SMARCA4: variants seen among roughly 807,000 people sequenced by gnomAD.
SMARCA4 encodes the protein SWI/SNF-related matrix-associated actin-dependent regulator of chromatin subfamily A member 4.
SMARCA4 carries 31 observed loss-of-function variants against 193.9 expected under a neutral mutation model. The ratio of observed to expected loss-of-function variants is 0.16; its 90% CI spans 0.12 to 0.22. SMARCA4 has a LOEUF of 0.22. SMARCA4 is among the 10% of genes least tolerant of loss of function. SMARCA4 has a pLI of 1.00. For synonymous variants in SMARCA4, 942 were observed against 933.1 expected, an observed-to-expected ratio of 1.01 and a Z score of -0.17; for missense variants, 1,148 against 2,296.0, an observed-to-expected ratio of 0.50 and a Z score of 10.22.
chr19:11,033,229 C>T lies in SMARCA4; in HGVS notation c.3547-61C>T. 1 of 1,305,698 alleles carries T rather than the reference C, an allele frequency of 7.7e-7. No individual in the cohort carries two copies. Among genetic ancestry groups the T allele is most frequent in the Non-Finnish European group, 1.1e-6 (1 of 901,402 alleles). 80.9% of individuals were successfully genotyped at this position (1,305,698 alleles called of 1,614,324 possible). On this transcript the variant is annotated intron_variant, in intron 25 of 34. Transcript: ENST00000344626. The surrounding 1 kb of genome is among the most constrained non-coding windows in gnomAD (Gnocchi z 9.8). The stretch of plus-strand genomic sequence containing the variant: ...ACACCTCTCCAGCTAGTGTCAGAGG[C>T]CACCTTCCCTTTTATGACCTCCTGG...
At chr19:10,982,624 C>T (rs2085645939) in intron 1 of SMARCA4, among the ~76,000 whole-genome samples, 1 of 151,942 alleles carries the variant, frequency 6.6e-6, no homozygotes, top group Non-Finnish European at 1.5e-5. Context: ...CTCAGCCTCC[C>T]CAGTAGCTGG....
chr19:11,020,353 G>A (rs570691197), intron 18 of SMARCA4, among the ~76,000 whole-genome samples: 12 of 151,968 alleles, frequency 7.9e-5, no homozygotes, highest in Non-Finnish European at 1.2e-4. Context: ...AGATGTACCT[G>A]GTCTCACCCC....
chr19:10,991,358 C>G (rs979224093), intron 8 of SMARCA4, 35 bp downstream of exon 8: 7 of 1,561,102 alleles, frequency 4.5e-6, no homozygotes, highest in Middle Eastern at 2.0e-4. Context: ...CTGCAGCCCG[C>G]CCACCTGGCT....
chr19:10,985,635 A>G lies in SMARCA4; in HGVS notation c.355+230A>G, dbSNP rs1313704709. On this transcript the variant is annotated intron_variant, in intron 3 of 34. Transcript: ENST00000344626. The surrounding 1 kb of genome is among the most constrained non-coding windows in gnomAD (Gnocchi z 4.5). ...GGAAATGCTGGTTGGGGGGCAGACC[A>G]TGTTCAGCATGGGTGATAGAGGAGG... 6.6e-6 allele frequency among the ~76,000 whole-genome samples: 1 copy of G among 152,130 alleles called. No homozygotes were observed. The highest frequency in any genetic ancestry group is 1.5e-5 in the Non-Finnish European group (1 of 68,010).
Position 10,991,364 on chromosome 19 carries a change from T to C in SMARCA4, c.1419+41T>C, listed in dbSNP as rs761873893. 4 of 1,556,682 alleles carry C rather than the reference T, an allele frequency of 2.6e-6. No individual in the cohort carries two copies. In the South Asian group the frequency reaches 4.7e-5, roughly 18 times the overall value. ...CCCAAGGCCCTGCAGCCCGCCCACCTGGCTGCCTGGCTTGTCCAGCGGTTG... is the reference window on the plus strand; with the variant it reads ...CCCAAGGCCCTGCAGCCCGCCCACCCGGCTGCCTGGCTTGTCCAGCGGTTG... On this transcript the variant is annotated intron_variant, in intron 8 of 34. Transcript: ENST00000344626.
intron 20 of SMARCA4, among the ~76,000 whole-genome samples, chr19:11,023,931 G>C (rs901919550): frequency 6.6e-6 from 1 of 152,226 alleles, no homozygotes; most frequent in South Asian, 2.1e-4. Flanking sequence ...TGGGCTTGGG[G>C]TTGCCCCCCG....
Position 10,987,781 on chromosome 19 carries a change from G to A in SMARCA4, c.975G>A (p.Val325=), listed in dbSNP as rs375764300. 2.5e-6 allele frequency: 4 copies of A among 1,600,050 alleles called. No individual in the cohort carries two copies. Among genetic ancestry groups the A allele is most frequent in the Non-Finnish European group, 3.4e-6 (4 of 1,174,158 alleles). Residue 325 remains valine, a synonymous_variant, in exon 6 of 35, where the codon GTG becomes GTA. Transcript: ENST00000344626. The surrounding 1 kb of genome is among the most constrained non-coding windows in gnomAD (Gnocchi z 5.3). ...PPAVPPAASP[V]MPPQTQSPGQ... is the part of the protein sequence containing the mutation. ...CCGTCCCACCCGCCGCCTCGCCCGT[G>A]ATGCCACCGCAGACCCAGTCCCCCG... is the stretch of plus-strand genomic sequence containing the variant.
intron 1 of SMARCA4, among the ~76,000 whole-genome samples, chr19:10,974,689 A>ATATTT (rs1568402484): frequency 2.7e-5 from 1 of 37,170 alleles, no homozygotes; most frequent in Non-Finnish European, 4.1e-5. Flanking sequence ...ATATATATAT[A>ATATTT]TTTTTTTTTT....
At chr19:11,028,816 C>T (rs1406232739) in intron 24 of SMARCA4, among the ~76,000 whole-genome samples, 3 of 152,186 alleles carry the variant, frequency 2.0e-5, no homozygotes, top group African/African-American at 7.2e-5. Flanking sequence ...TAGAACTGGG[C>T]TTACGAGAAA....
Position 11,019,949 on chromosome 19 carries a change from C to T in SMARCA4, c.2616+248C>T, listed in dbSNP as rs1443636501. On this transcript the variant is annotated intron_variant, in intron 18 of 34. Transcript: ENST00000344626. This position sits in a 1 kb window ranked among gnomAD's most constrained non-coding sequence, Gnocchi z 6.1. ...GGCCATCTACACAGCATGCGCTCTG[C>T]CTCCTCTCGGGCCTTCTGCCCAGAG... Among the ~76,000 whole-genome samples the T allele has an allele frequency of 2.0e-5, 3 of 152,252 alleles. No homozygotes were observed. Among genetic ancestry groups the T allele is most frequent in the Non-Finnish European group, 4.4e-5 (3 of 68,046 alleles).
Position 10,987,151 on chromosome 19 carries a change from C to T in SMARCA4, c.859+148C>T. 1.5e-6 allele frequency: 1 copy of T among 683,070 alleles called. No individual in the cohort carries two copies. The highest frequency in any genetic ancestry group is 2.7e-5 in the East Asian group (1 of 36,922). The allele number at this position is 683,070 out of a possible 1,614,324, so 42.3% of individuals were successfully genotyped here. On this transcript the variant is annotated intron_variant, in intron 5 of 34. Coordinates refer to ENST00000344626, the MANE Select transcript of SMARCA4 (RefSeq NM_003072.5). This position sits in a 1 kb window ranked among gnomAD's most constrained non-coding sequence, Gnocchi z 5.3. ...ACTTTTCTTGTGGTGGTCCCCGGGT[C>T]TCCCCTGTAGCCAGTCAGTTCCCAA...
intron 1 of SMARCA4, chr19:10,977,798 G>A (rs558391488): frequency 2.0e-5 from 3 of 152,486 alleles, no homozygotes; most frequent in South Asian, 4.1e-4. Context: ...CCAGCTGAGC[G>A]GCTGGCACTT....
chr19:11,020,166 G>A (rs1485559561), intron 18 of SMARCA4, among the ~76,000 whole-genome samples: 1 of 152,200 alleles, frequency 6.6e-6, no homozygotes, highest in Non-Finnish European at 1.5e-5. Flanking sequence ...CTGCCTGCTG[G>A]CCTTGGGCAG....
At chr19:10,972,369 T>C (rs1442951653) in intron 1 of SMARCA4, among the ~76,000 whole-genome samples, 1 of 152,022 alleles carries the variant, frequency 6.6e-6, no homozygotes, top group Non-Finnish European at 1.5e-5. Flanking sequence ...GTGTTGGGAT[T>C]ACAGGCATGA....
chr19:10,993,721 C>A (rs1414052111), intron 8 of SMARCA4, among the ~76,000 whole-genome samples: 1 of 151,656 alleles, frequency 6.6e-6, no homozygotes, highest in Non-Finnish European at 1.5e-5. Flanking sequence ...TCTCGGCTCA[C>A]TGCAAGCTCT....
intron 7 of SMARCA4, among the ~76,000 whole-genome samples, chr19:10,990,478 A>G (rs1600012642): frequency 6.6e-6 from 1 of 151,934 alleles, no homozygotes; most frequent in African/African-American, 2.4e-5. Flanking sequence ...GTGTTTCACC[A>G]TGTTGGCCAG....
At position 11,019,233 on chromosome 19, in the gene SMARCA4, C is replaced by T; in HGVS notation, c.2505+210C>T. 1.5e-6 allele frequency: 1 copy of T among 650,900 alleles called. No individual in the cohort carries two copies. The highest frequency in any genetic ancestry group is 2.8e-6 in the Non-Finnish European group (1 of 357,420). The allele number at this position is 650,900 out of a possible 1,614,324, so 40.3% of individuals were successfully genotyped here. A position where few individuals can be genotyped will look rare whatever the true frequency, so the allele number is the denominator to read the frequency against. ...GCAGATTAGCTCACTGGGGAGGAGACAGGAGTGAGCATGGTGGCCAGCACT... is the reference window on the plus strand; with the variant it reads ...GCAGATTAGCTCACTGGGGAGGAGATAGGAGTGAGCATGGTGGCCAGCACT... On this transcript the variant is annotated intron_variant, in intron 17 of 34. Coordinates refer to ENST00000344626, the MANE Select transcript of SMARCA4 (RefSeq NM_003072.5). This position sits in a 1 kb window ranked among gnomAD's most constrained non-coding sequence, Gnocchi z 6.1.
intron 20 of SMARCA4, 91 bp downstream of exon 20, chr19:11,023,722 T>G: frequency 1.3e-6 from 1 of 792,060 alleles, no homozygotes; most frequent in African/African-American, 1.7e-5. Context: ...CTCCCCACAG[T>G]CCCAGGCCTG....
At chr19:10,965,029 C>T (rs1315698897) in intron 1 of SMARCA4, among the ~76,000 whole-genome samples, 5 of 152,168 alleles carry the variant, frequency 3.3e-5, no homozygotes, top group South Asian at 4.1e-4. Flanking sequence ...TTTGTCTTTC[C>T]ATCCCTCGGT....
Sources: allele counts gnomAD v4.1 joint callset (sites outside exome capture counted in the v4.1 genomes callset), GRCh38; gene constraint gnomAD v4.1.1; non-coding constraint Gnocchi (gnomAD v3.1); transcripts MANE v1.5; gene names NCBI Gene and HGNC (gene_info 2026-07-23, HGNC 2026-07-21).